SLC45A4: variants seen among roughly 807,000 people sequenced by gnomAD.
SLC45A4 encodes solute carrier family 45 member 4.
Under a neutral mutation model 63.7 loss-of-function variants are expected in SLC45A4, and 32 were observed. The observed-to-expected ratio is 0.50, with a 90% CI of 0.38 to 0.67. The LOEUF is 0.67. SLC45A4 is among the 30% of genes least tolerant of loss of function. SLC45A4 has a pLI of 0.00. For missense variants in SLC45A4, 1,027 were observed against 1,157.7 expected, an observed-to-expected ratio of 0.89 and a Z score of 1.64; for synonymous variants, 535 against 510.0, an observed-to-expected ratio of 1.05 and a Z score of -0.66.
intron 2 of SLC45A4, chr8:141,230,483 G>A (rs897523934): frequency 1.0e-5 from 2 of 192,186 alleles, no homozygotes; most frequent in African/African-American, 4.7e-5. Context: ...GAGGGGTCCT[G>A]AGACAGCAGC....
intron 1 of SLC45A4, among the ~76,000 whole-genome samples, chr8:141,275,881 TAG>T (rs990164343): frequency 2.0e-4 from 31 of 152,090 alleles, no homozygotes; most frequent in African/African-American, 6.5e-4. Context: ...GCATGTTTCA[TAG>T]AGTCTTTCTG....
chr8:141,217,217 C>T (rs374591150), intron 5 of SLC45A4, 28 bp from the exon 6 acceptor site: 21 of 1,607,666 alleles, frequency 1.3e-5, no homozygotes, highest in African/African-American at 2.7e-5. Flanking sequence ...CGGGGGCTGA[C>T]GAGGGCATCT....
chr8:141,218,717 T>A lies in SLC45A4; in HGVS notation c.923A>T (p.Asp308Val). 1 of 1,612,528 alleles carries A rather than the reference T, an allele frequency of 6.2e-7. No individual in the cohort carries two copies. The highest frequency in any genetic ancestry group is 8.5e-7 in the Non-Finnish European group (1 of 1,179,312). Residue 308 changes from aspartate (D) to valine (V), a missense_variant, in exon 5 of 9, where the codon GAC becomes GTC. Asp to Val is a radical substitution (Grantham distance 152). Coordinates refer to ENST00000517878, the MANE Select transcript of SLC45A4 (RefSeq NM_001286646.2). ...GGTGTCCGGCACGTGCAATGCCGAG[T>A]CGCTTTTGCTGCGCATGATGTCCAC... ...PDVDIMRSKS[D>V]SALHVPDTAL...
At chr8:141,224,584 G>A (rs1355727427) in intron 2 of SLC45A4, 1 of 152,276 alleles carries the variant, frequency 6.6e-6, no homozygotes, top group Non-Finnish European at 1.5e-5. Flanking sequence ...TCGAGTAGCT[G>A]GGTACAGGTG....
chr8:141,267,622 C>A (rs73366440), intron 1 of SLC45A4, among the ~76,000 whole-genome samples: 1 of 152,102 alleles, frequency 6.6e-6, no homozygotes, highest in Non-Finnish European at 1.5e-5. Context: ...AGAACAAGAG[C>A]CAATAAATGA....
chr8:141,261,611 C>A (rs1408275339), intron 1 of SLC45A4, among the ~76,000 whole-genome samples: 3 of 151,388 alleles, frequency 2.0e-5, no homozygotes, highest in Non-Finnish European at 4.4e-5. Context: ...CATGAGTGAC[C>A]CCCCATTCAT....
chr8:141,280,025 G>A (rs111483252), intron 1 of SLC45A4, among the ~76,000 whole-genome samples: 97 of 152,352 alleles, frequency 6.4e-4, no homozygotes, highest in African/African-American at 2.2e-3. Context: ...ACAGGGCAGC[G>A]AGGCATGGGC....
intron 2 of SLC45A4, chr8:141,228,476 T>G (rs2154614266): frequency 2.2e-6 from 3 of 1,357,196 alleles, no homozygotes; most frequent in South Asian, 1.7e-5. Flanking sequence ...GTCCAGCTTG[T>G]GGGCACCTGT....
intron 1 of SLC45A4, among the ~76,000 whole-genome samples, chr8:141,300,704 T>C (rs1026539741): frequency 2.0e-5 from 3 of 152,256 alleles, no homozygotes; most frequent in African/African-American, 7.2e-5. Context: ...CATGTCAGTC[T>C]TCTCTGCTTC....
At chr8:141,258,060 C>CTTT (rs3072057) in intron 1 of SLC45A4, among the ~76,000 whole-genome samples, 2 of 123,324 alleles carry the variant, frequency 1.6e-5, no homozygotes, top group Non-Finnish European at 3.3e-5. Context: ...TTTCTTCTTC[C>CTTT]TTTTTTTTTT....
chr8:141,216,565 C>T (rs1034768297), intron 6 of SLC45A4, among the ~76,000 whole-genome samples: 5 of 152,336 alleles, frequency 3.3e-5, no homozygotes, highest in South Asian at 2.1e-4. Context: ...CTGGCTCAGG[C>T]GGAAATGAAG....
rs4961256 is a variant in SLC45A4, at chr8:141,219,847, G to A, written c.431-18C>T. On this transcript the variant is annotated intron_variant, in intron 3 of 8. Coordinates refer to ENST00000517878, the MANE Select transcript of SLC45A4 (RefSeq NM_001286646.2). The stretch of plus-strand genomic sequence containing the variant: ...GGCCAGACCTGCGCAGAGCACACGG[G>A]AGGGCGGTCAGGTCCTCAAGCACTG... 0.61 allele frequency: 938,188 copies of A among 1,547,780 alleles called. 287,168 individuals are homozygous for A. The highest frequency in any genetic ancestry group is 0.83 in the East Asian group (34,054 of 41,134).
chr8:141,258,671 C>T (rs1828915614), intron 1 of SLC45A4, among the ~76,000 whole-genome samples: 1 of 152,046 alleles, frequency 6.6e-6, no homozygotes, highest in South Asian at 2.1e-4. Flanking sequence ...TCGCTTGAGC[C>T]CAGGAGTTGA....
chr8:141,239,736 G>C (rs1202558535), intron 2 of SLC45A4, among the ~76,000 whole-genome samples: 1 of 152,206 alleles, frequency 6.6e-6, no homozygotes, highest in Non-Finnish European at 1.5e-5. Context: ...ACGGCTGCCG[G>C]TTTTAGAGAC....
chr8:141,244,116 G>A (rs550189110), intron 2 of SLC45A4, among the ~76,000 whole-genome samples: 7 of 152,226 alleles, frequency 4.6e-5, no homozygotes, highest in African/African-American at 1.2e-4. Context: ...GGGAGACTGC[G>A]CCCCTATTCT....
At chr8:141,297,250 C>T (rs1469160843) in intron 1 of SLC45A4, among the ~76,000 whole-genome samples, 1 of 151,614 alleles carries the variant, frequency 6.6e-6, no homozygotes, top group Non-Finnish European at 1.5e-5. Flanking sequence ...AACAGGGCTC[C>T]ACCAAGAAGA....
intron 2 of SLC45A4, among the ~76,000 whole-genome samples, chr8:141,251,807 A>C (rs950509086): frequency 4.0e-5 from 6 of 151,724 alleles, no homozygotes; most frequent in Admixed American, 3.9e-4. Flanking sequence ...ATTAAGTGAC[A>C]AGATCGAGGG....
chr8:141,218,936 A>T lies in SLC45A4; in HGVS notation c.704T>A (p.Phe235Tyr). Reference sequence around the variant, plus strand: ...CGTGAAGATGATGGCGGCAAAGAAGAAGAGCACCTGGTTCTGGGTCCGGAA... The same window carrying T: ...CGTGAAGATGATGGCGGCAAAGAAGTAGAGCACCTGGTTCTGGGTCCGGAA... ...SWFRTQNQVL[F>Y]FFAAIIFTVS... The change falls in exon 5 of 9, where the codon TTC becomes TAC. Residue 235 changes from phenylalanine to tyrosine, a missense_variant. By Grantham distance (22) the Phe-to-Tyr change is conservative. Coordinates refer to ENST00000517878, the MANE Select transcript of SLC45A4 (RefSeq NM_001286646.2). 6.2e-7 allele frequency: 1 copy of T among 1,613,784 alleles called. No homozygotes were observed. The highest frequency in any genetic ancestry group is 8.5e-7 in the Non-Finnish European group (1 of 1,179,948).
intron 1 of SLC45A4, among the ~76,000 whole-genome samples, chr8:141,269,583 T>TG (rs1829432843): frequency 6.6e-6 from 1 of 151,064 alleles, no homozygotes; most frequent in Non-Finnish European, 1.5e-5. Flanking sequence ...TATGTGTCTG[T>TG]GTGTGTGGGT....
Sources: gnomAD v4.1 joint callset for allele counts (sites outside exome capture counted in the v4.1 genomes callset) on GRCh38, gnomAD v4.1.1 for gene constraint, MANE v1.5 for transcripts, NCBI Gene and HGNC (gene_info 2026-07-23, HGNC 2026-07-21) for gene names.